The following JAKMIP1 variants were observed in gnomAD, a reference collection of about 807,000 sequenced individuals.
JAKMIP1 encodes the protein janus kinase and microtubule-interacting protein 1.
In JAKMIP1, 33 loss-of-function variants were observed where a neutral mutation model predicts 113.0. That is an observed-to-expected ratio of 0.29 (90% confidence interval 0.22 to 0.39). The LOEUF is 0.39. Among genes scored for constraint, JAKMIP1 ranks in the 10% least tolerant of loss-of-function variants. The pLI, the probability that JAKMIP1 is intolerant of heterozygous loss-of-function variation, is 1.00. For synonymous variants in JAKMIP1, 480 were observed against 459.9 expected (o/e 1.04, Z -0.56); for missense variants, 813 against 1,080.5 (o/e 0.75, Z 3.47).
chr4:6,165,832 T>A (rs1723559442), intron 1 of JAKMIP1, among the ~76,000 whole-genome samples: 1 of 152,058 alleles, frequency 6.6e-6, no homozygotes, highest in African/African-American at 2.4e-5. Context: ...AAACAACAGA[T>A]TTGTATTCTC....
chr4:6,196,201 T>G (rs1452564845), intron 1 of JAKMIP1, among the ~76,000 whole-genome samples: 1 of 152,170 alleles, frequency 6.6e-6, no homozygotes, highest in Non-Finnish European at 1.5e-5. Context: ...ATGAGGTTGG[T>G]GCAAAAGTAA....
rs924696607 is a variant in JAKMIP1, at chr4:6,050,827, C to T, written c.1807-148G>A. 1.9e-5 allele frequency: 12 copies of T among 636,626 alleles called. No individual in the cohort carries two copies. The highest frequency in any genetic ancestry group is 5.6e-5 in the East Asian group (2 of 35,656). 39.4% of individuals were successfully genotyped at this position (636,626 alleles called of 1,614,324 possible). On this transcript the variant is annotated intron_variant, in intron 13 of 20. Coordinates refer to ENST00000409021, the MANE Select transcript of JAKMIP1 (RefSeq NM_001099433.2). The surrounding 1 kb of genome is among the most constrained non-coding windows in gnomAD (Gnocchi z 7.4). ...AGTTCGGACTAGAAGCAGCCTCGTC[C>T]GTGAGCTACGACGTTTTCACGCCTT... is the stretch of plus-strand genomic sequence containing the variant.
rs551519781 is a variant in JAKMIP1, at chr4:6,088,876, C to T, written c.625-3247G>A. ...CGCATCCATTTCCCCTTCTCCCATA[C>T]GCCCAGTCTCAGCATGTGCAGTAGG... On this transcript the variant is annotated intron_variant, in intron 3 of 20. Transcript: ENST00000409021. This position sits in a 1 kb window ranked among gnomAD's most constrained non-coding sequence, Gnocchi z 5.5. Among the ~76,000 whole-genome samples the T allele has an allele frequency of 1.3e-5, 2 of 152,308 alleles. No individual in the cohort carries two copies. The highest frequency in any genetic ancestry group is 4.8e-5 in the African/African-American group (2 of 41,560).
chr4:6,145,041 A>G (rs527629358), intron 1 of JAKMIP1, among the ~76,000 whole-genome samples: 87 of 152,360 alleles, frequency 5.7e-4, no homozygotes, highest in African/African-American at 2.0e-3. Context: ...GGCAGGATAC[A>G]AGCTTAGTAT....
chr4:6,114,223 A>T (rs1166973087), intron 1 of JAKMIP1, among the ~76,000 whole-genome samples: 1 of 152,238 alleles, frequency 6.6e-6, no homozygotes, highest in Non-Finnish European at 1.5e-5. Context: ...GGTTGGGCAG[A>T]TGAGACAAAA....
At chr4:6,027,771 C>T (rs1227107972) in intron 20 of JAKMIP1, among the ~76,000 whole-genome samples, 2 of 152,250 alleles carry the variant, frequency 1.3e-5, no homozygotes, top group African/African-American at 4.8e-5. Flanking sequence ...GGTATTCTCA[C>T]TGCCGAGGAC....
intron 13 of JAKMIP1, chr4:6,053,716 A>T: frequency 9.3e-7 from 1 of 1,076,244 alleles, no homozygotes; most frequent in Non-Finnish European, 1.2e-6. Flanking sequence ...GCAGGAAAGA[A>T]GTAGTTATGG....
At chr4:6,053,841 G>T (rs373114194) in intron 13 of JAKMIP1, 15 of 1,397,756 alleles carry the variant, frequency 1.1e-5, no homozygotes, top group African/African-American at 1.5e-5. Flanking sequence ...ATAGACTTGG[G>T]TGAGCACGCT....
At chr4:6,134,395 A>AGCCTT (rs1718939772) in intron 1 of JAKMIP1, among the ~76,000 whole-genome samples, 1 of 152,194 alleles carries the variant, frequency 6.6e-6, no homozygotes, top group African/African-American at 2.4e-5. Flanking sequence ...TTGTTACTGC[A>AGCCTT]GCCTTGCCTC....
intron 1 of JAKMIP1, among the ~76,000 whole-genome samples, chr4:6,159,463 T>C (rs887339114): frequency 6.6e-6 from 1 of 152,164 alleles, no homozygotes; most frequent in Non-Finnish European, 1.5e-5. Context: ...TTAATATTCT[T>C]AATAGATTAA....
chr4:6,160,502 G>A (rs548144420), intron 1 of JAKMIP1, among the ~76,000 whole-genome samples: 5 of 152,160 alleles, frequency 3.3e-5, no homozygotes, highest in Admixed American at 2.0e-4. Context: ...TCGAGCCCTC[G>A]CTTCCCTCCC....
In JAKMIP1 at chr4:6,078,989, G is replaced by A. The variant is rs755832064; in HGVS notation, c.1252C>T (p.Arg418Trp). Residue 418 changes from arginine to tryptophan, a missense_variant, in exon 8 of 21, where the codon CGG (arginine) becomes TGG (tryptophan). Arg to Trp is a moderately radical substitution (Grantham distance 101). This residue lies in a region of JAKMIP1 where 540 missense variants were observed against 653.9 expected (regional missense o/e 0.83). Transcript: ENST00000409021. The stretch of plus-strand genomic sequence containing the variant: ...CGATGCCTTTTGGAGCGCAACAGCC[G>A]TTCTCTCTCCTAGAAGGAAACACAA... ...VIDDLSLERERLLRSKRHRGK... is the reference protein window; with the variant it reads ...VIDDLSLEREWLLRSKRHRGK... 19 of 1,613,994 alleles carry A rather than the reference G, an allele frequency of 1.2e-5. No individual in the cohort carries two copies. Among genetic ancestry groups the A allele is most frequent in the East Asian group, 1.1e-4 (5 of 44,888 alleles).
At position 6,049,046 on chromosome 4, in the gene JAKMIP1, G is replaced by C; in HGVS notation, c.1963-124C>G. The C allele has an allele frequency of 1.4e-6, 1 of 727,008 alleles. No individual in the cohort carries two copies. The highest frequency in any genetic ancestry group is 2.4e-6 in the Non-Finnish European group (1 of 424,068). 45.0% of individuals were successfully genotyped at this position (727,008 alleles called of 1,614,324 possible). ...TTGTTTTATTATGTTTGTTTGTTTTGAGACGGAGTCTCTCTCTGTCACCTG... is the reference window on the plus strand; with the variant it reads ...TTGTTTTATTATGTTTGTTTGTTTTCAGACGGAGTCTCTCTCTGTCACCTG... On this transcript the variant is annotated intron_variant, in intron 15 of 20. Coordinates refer to ENST00000409021, the MANE Select transcript of JAKMIP1 (RefSeq NM_001099433.2). The surrounding 1 kb of genome is among the most constrained non-coding windows in gnomAD (Gnocchi z 7.0).
rs571304080 is a variant in JAKMIP1 at position 6,098,984 on chromosome 4, T to G, written c.624+6489A>C. ...GGTTCTGACACCACGGCTGGGAAATTCATTCATTTTCTTGCCTGTTTTGGA... is the reference window on the plus strand; with the variant it reads ...GGTTCTGACACCACGGCTGGGAAATGCATTCATTTTCTTGCCTGTTTTGGA... On this transcript the variant is annotated intron_variant, in intron 3 of 20. Coordinates refer to ENST00000409021, the MANE Select transcript of JAKMIP1 (RefSeq NM_001099433.2). Among the ~76,000 whole-genome samples the G allele has an allele frequency of 3.9e-5, 6 of 152,018 alleles. No homozygotes were observed. The East Asian group carries it at 1.2e-3, about 29-fold the overall frequency.
intron 1 of JAKMIP1, among the ~76,000 whole-genome samples, chr4:6,160,960 A>ACTCACCTCCCTGACCTCCC (rs1722841609): frequency 1.0e-5 from 1 of 99,624 alleles, no homozygotes; most frequent in African/African-American, 4.2e-5. Context: ...CCTGACCTCC[A>ACTCACCTCCCTGACCTCCC]CTCACCTCCC....
At chr4:6,084,337 A>G (rs1033290403) in intron 5 of JAKMIP1, among the ~76,000 whole-genome samples, 1 of 150,338 alleles carries the variant, frequency 6.7e-6, no homozygotes, top group African/African-American at 2.4e-5. Flanking sequence ...AAAAAAAAAG[A>G]ATAATTTCTA....
At position 6,105,462 on chromosome 4, in the gene JAKMIP1, G is replaced by T. The variant is rs1357781800; in HGVS notation, c.624+11C>A. On this transcript the variant is annotated intron_variant, in intron 3 of 20. Transcript: ENST00000409021. ...CGCGTGCCCGCGGGCGGGGGAGGGGGCGGCACGTACCAGCCTGCGGATGTC... is the reference window on the plus strand; with the variant it reads ...CGCGTGCCCGCGGGCGGGGGAGGGGTCGGCACGTACCAGCCTGCGGATGTC... The T allele has an allele frequency of 3.8e-6, 6 of 1,580,924 alleles. No individual in the cohort carries two copies. The highest frequency in any genetic ancestry group is 1.3e-5 in the African/African-American group (1 of 74,482).
intron 1 of JAKMIP1, among the ~76,000 whole-genome samples, chr4:6,175,626 G>C (rs1348913973): frequency 3.3e-5 from 5 of 152,166 alleles, no homozygotes; most frequent in African/African-American, 1.2e-4. Flanking sequence ...ACTCCAGCAT[G>C]GCTGGCACCA....
intron 1 of JAKMIP1, among the ~76,000 whole-genome samples, 154 bp from the exon 2 acceptor site, chr4:6,113,151 G>C (rs1715232525): frequency 6.6e-6 from 1 of 152,218 alleles, no homozygotes; most frequent in Non-Finnish European, 1.5e-5. Flanking sequence ...GGCTGCAGCA[G>C]AATCGCTTGG....
Sources: gnomAD v4.1 joint callset for allele counts (sites outside exome capture counted in the v4.1 genomes callset) on GRCh38, gnomAD v4.1.1 for gene constraint, gnomAD v4.1.1 regional missense constraint, Gnocchi (gnomAD v3.1) non-coding constraint, MANE v1.5 for transcripts, NCBI Gene and HGNC (gene_info 2026-07-23, HGNC 2026-07-21) for gene names.